Variants in NRXN3 observed in about 807,000 individuals in gnomAD.
The protein encoded by NRXN3 is neurexin III.
In NRXN3, 32 loss-of-function variants were observed where a neutral mutation model predicts 137.6. The ratio of observed to expected loss-of-function variants is 0.23; its 90% confidence interval spans 0.18 to 0.31. The LOEUF is 0.31. Ranked by LOEUF, NRXN3 falls within the 10% of genes least tolerant of loss-of-function variation. The pLI is 1.00. For missense variants in NRXN3, 1,574 were observed against 2,062.5 expected (o/e 0.76, Z 4.59); for synonymous variants, 798 against 784.5 (o/e 1.02, Z -0.29).
At chr14:79,609,411 A>G (rs2098069920) in intron 16 of NRXN3, among the ~76,000 whole-genome samples, 1 of 152,234 alleles carries the variant, frequency 6.6e-6, no homozygotes, top group African/African-American at 2.4e-5. Context: ...TCTGTTGAGT[A>G]GAAGTTTGGA....
At chr14:78,795,010 A>G (rs575490858) in intron 8 of NRXN3, among the ~76,000 whole-genome samples, 1 of 152,172 alleles carries the variant, frequency 6.6e-6, no homozygotes, top group Non-Finnish European at 1.5e-5. Flanking sequence ...TGAGAGAATT[A>G]TTTGAGCCCA....
At chr14:78,501,702 A>G (rs1057329289) in intron 4 of NRXN3, among the ~76,000 whole-genome samples, 2 of 152,144 alleles carry the variant, frequency 1.3e-5, no homozygotes, top group Non-Finnish European at 2.9e-5. Context: ...GGAGACTCTT[A>G]AGGCACAATG....
At chr14:78,304,616 G>A (rs1344885232) in intron 4 of NRXN3, among the ~76,000 whole-genome samples, 1 of 152,162 alleles carries the variant, frequency 6.6e-6, no homozygotes, top group East Asian at 1.9e-4. Context: ...TCCATTTAGG[G>A]ATTGCCCGTT....
At chr14:78,429,878 A>G (rs887274666) in intron 4 of NRXN3, among the ~76,000 whole-genome samples, 4 of 152,242 alleles carry the variant, frequency 2.6e-5, no homozygotes, top group African/African-American at 4.8e-5. Context: ...CTTATCCCCT[A>G]TGATGAAAAG....
At chr14:79,637,891 G>C (rs2098413778) in intron 16 of NRXN3, among the ~76,000 whole-genome samples, 1 of 98,286 alleles carries the variant, frequency 1.0e-5, no homozygotes, top group South Asian at 2.8e-4. Context: ...CACCATGCCT[G>C]GCTAATATTT....
In NRXN3 at chr14:79,517,550, T is replaced by G. The variant is rs142980058; in HGVS notation, c.3444+50148T>G. On this transcript the variant is annotated intron_variant, in intron 16 of 20. Transcript: ENST00000335750. ...GGGAGGACTTCATATTCTAGAGTGG[T>G]AAAGTAATTCTTCATGGTTTTCTCT... Among the ~76,000 whole-genome samples the G allele has an allele frequency of 6.4e-4, 97 of 152,292 alleles. 1 individual carries two copies. In the East Asian group the frequency reaches 0.015, roughly 24 times the overall value.
At position 79,014,796 on chromosome 14, in the gene NRXN3, A is replaced by G. The variant is rs554840854; in HGVS notation, c.3262+26655A>G. Among the ~76,000 whole-genome samples the G allele has an allele frequency of 3.8e-4, 58 of 152,180 alleles. No homozygotes were observed. The South Asian group carries it at 7.3e-3, about 19-fold the overall frequency. ...ATTTGTGTAGGTGGATGTTCCTTCA[A>G]TCTTTGAAGTTGCTGTCCCTTGGAT... On this transcript the variant is annotated intron_variant, in intron 15 of 20. Transcript: ENST00000335750.
intron 15 of NRXN3, among the ~76,000 whole-genome samples, chr14:79,396,865 A>G (rs2095041541): frequency 6.6e-6 from 1 of 152,202 alleles, no homozygotes. Flanking sequence ...GAAAATAGCC[A>G]CTTTCATACG....
intron 15 of NRXN3, among the ~76,000 whole-genome samples, chr14:79,252,227 T>A (rs2076035074): frequency 6.6e-6 from 1 of 152,222 alleles, no homozygotes; most frequent in South Asian, 2.1e-4. Context: ...GTGATTGGCA[T>A]AACACTAATG....
chr14:79,518,436 G>A (rs375281998), intron 16 of NRXN3, among the ~76,000 whole-genome samples: 3 of 151,800 alleles, frequency 2.0e-5, no homozygotes, highest in African/African-American at 7.2e-5. Context: ...ATTTTGTTAG[G>A]TTTATCTCTA....
At chr14:79,027,196 T>G (rs192372797) in intron 15 of NRXN3, among the ~76,000 whole-genome samples, 21 of 151,784 alleles carry the variant, frequency 1.4e-4, no homozygotes, top group African/African-American at 5.1e-4. Context: ...TTTTTTTTCT[T>G]TTGATAAAAG....
chr14:78,993,492 C>A (rs1035418132), intron 15 of NRXN3, among the ~76,000 whole-genome samples: 3 of 152,024 alleles, frequency 2.0e-5, no homozygotes, highest in African/African-American at 7.2e-5. Context: ...GTGTTCATTC[C>A]CCGCCATTGT....
At chr14:78,619,809 A>G (rs962425228) in intron 4 of NRXN3, among the ~76,000 whole-genome samples, 14 of 152,126 alleles carry the variant, frequency 9.2e-5, no homozygotes, top group Admixed American at 7.9e-4. Context: ...ACCCAGCCTC[A>G]GGTAGTTCTT....
chr14:78,637,629 A>G (rs1463379270), intron 4 of NRXN3, among the ~76,000 whole-genome samples: 1 of 152,196 alleles, frequency 6.6e-6, no homozygotes, highest in African/African-American at 2.4e-5. Context: ...AGAGTTCCAT[A>G]GATTTAGATA....
chr14:79,470,823 AACAAAGT>A (rs1182639918), intron 16 of NRXN3, among the ~76,000 whole-genome samples: 3 of 151,846 alleles, frequency 2.0e-5, no homozygotes, highest in Non-Finnish European at 4.4e-5. Flanking sequence ...GTTGGTCAAA[AACAAAGT>A]ACAAACTCCA....
At chr14:79,657,006 A>T (rs894907932) in intron 16 of NRXN3, among the ~76,000 whole-genome samples, 5 of 152,118 alleles carry the variant, frequency 3.3e-5, no homozygotes, top group African/African-American at 1.2e-4. Context: ...CTCACCTGTC[A>T]TCCATATTAG....
chr14:79,380,914 T>A (rs1057205362), intron 15 of NRXN3, among the ~76,000 whole-genome samples: 2 of 152,112 alleles, frequency 1.3e-5, no homozygotes, highest in Non-Finnish European at 2.9e-5. Context: ...ATGCTAAGTA[T>A]GTCAGACTGC....
intron 15 of NRXN3, among the ~76,000 whole-genome samples, chr14:79,227,037 C>T (rs2071033439): frequency 6.6e-6 from 1 of 151,984 alleles, no homozygotes; most frequent in Non-Finnish European, 1.5e-5. Context: ...TCAGGCTGCT[C>T]TTGAACTCCT....
At chr14:78,774,823 C>T (rs2098739854) in intron 8 of NRXN3, among the ~76,000 whole-genome samples, 1 of 152,008 alleles carries the variant, frequency 6.6e-6, no homozygotes, top group Admixed American at 6.6e-5. Flanking sequence ...ACTTGGGAGG[C>T]TGAGACAGAA....
Sources: allele counts gnomAD v4.1 joint callset (sites outside exome capture counted in the v4.1 genomes callset), GRCh38; gene constraint gnomAD v4.1.1; transcripts MANE v1.5; gene names NCBI Gene and HGNC (gene_info 2026-07-23, HGNC 2026-07-21).